The following EDARADD variants were observed in gnomAD, a reference collection of about 807,000 sequenced individuals.
The protein encoded by EDARADD is ectodysplasin-A receptor-associated adapter protein.
A neutral mutation model predicts 25.6 loss-of-function variants in EDARADD; 20 were observed. That is an observed-to-expected ratio of 0.78 (90% CI 0.55 to 1.14). The LOEUF (loss-of-function observed/expected upper bound fraction) is 1.14. Among genes scored for constraint, EDARADD ranks in the 50% most tolerant of loss-of-function variants. The pLI is 0.00. For synonymous variants in EDARADD, 86 were observed against 94.4 expected (o/e 0.91, Z 0.52); for missense variants, 225 against 270.1 (o/e 0.83, Z 1.17).
At chr1:236,480,123 A>AT (rs1285126478) in intron 5 of EDARADD, among the ~76,000 whole-genome samples, 6 of 112,568 alleles carry the variant, frequency 5.3e-5, no homozygotes, top group Non-Finnish European at 1.2e-4. Context: ...ATATATATAT[A>AT]TATATATATA....
chr1:236,480,096 C>CGTAT (rs377187318), intron 5 of EDARADD, among the ~76,000 whole-genome samples: 1 of 77,834 alleles, frequency 1.3e-5, no homozygotes, highest in Non-Finnish European at 2.3e-5. Flanking sequence ...TTAAGTATGC[C>CGTAT]ATATATATAT....
intron 3 of EDARADD, among the ~76,000 whole-genome samples, chr1:236,425,554 C>T (rs1657894121): frequency 1.3e-5 from 2 of 152,176 alleles, no homozygotes; most frequent in South Asian, 4.1e-4. Flanking sequence ...CCCCAAGTGG[C>T]CAGTGATGGT....
At chr1:236,409,342 C>T (rs1054925527) in intron 2 of EDARADD, 68 bp downstream of exon 2, 36 of 1,304,620 alleles carry the variant, frequency 2.8e-5, no homozygotes, top group Admixed American at 1.5e-4. Context: ...TATTTCTTTA[C>T]GTTTTTATTA....
At chr1:236,440,629 C>T (rs980464034) in intron 4 of EDARADD, among the ~76,000 whole-genome samples, 1 of 151,300 alleles carries the variant, frequency 6.6e-6, no homozygotes, top group Non-Finnish European at 1.5e-5. Flanking sequence ...TCAAGCGACT[C>T]TTGCTGCCAT....
At chr1:236,462,333 C>G in intron 4 of EDARADD, among the ~76,000 whole-genome samples, 1 of 151,816 alleles carries the variant, frequency 6.6e-6, no homozygotes. Context: ...AAGATCAGAT[C>G]TTATGAGTAC....
intron 1 of EDARADD, among the ~76,000 whole-genome samples, chr1:236,402,838 A>C (rs1290428913): frequency 6.6e-6 from 1 of 152,178 alleles, no homozygotes; most frequent in Non-Finnish European, 1.5e-5. Flanking sequence ...CAATGTGTGA[A>C]AAAGGGGATG....
Position 236,395,755 on chromosome 1 carries a change from G to A in EDARADD, c.61+1250G>A. On this transcript the variant is annotated intron_variant, in intron 1 of 5. Transcript: ENST00000334232. The surrounding 1 kb of genome is among the most constrained non-coding windows in gnomAD (Gnocchi z 6.9). ...CAGCAGCCGCAGGGCTATCGAGGCC[G>A]GGCCTCGGCGACCCCCGAGGGAGGC... The A allele has an allele frequency of 2.8e-6, 4 of 1,431,018 alleles. No homozygotes were observed. Among genetic ancestry groups the A allele is most frequent in the South Asian group, 2.7e-5 (2 of 75,224 alleles). 88.6% of individuals were successfully genotyped at this position (1,431,018 alleles called of 1,614,324 possible). A position where few individuals can be genotyped will look rare whatever the true frequency, so the allele number is the denominator to read the frequency against.
At chr1:236,380,765 T>C (rs1667287497) in intron 3 of EDARADD, among the ~76,000 whole-genome samples, 1 of 152,208 alleles carries the variant, frequency 6.6e-6, no homozygotes, top group African/African-American at 2.4e-5. Flanking sequence ...CTAGGCTTAA[T>C]GCAGTGGCTA....
chr1:236,473,578 G>A (rs1467696124), intron 5 of EDARADD, among the ~76,000 whole-genome samples: 1 of 152,094 alleles, frequency 6.6e-6, no homozygotes, highest in African/African-American at 2.4e-5. Context: ...AGGAGTTCGA[G>A]ACCAGCCTGG....
intron 4 of EDARADD, among the ~76,000 whole-genome samples, chr1:236,454,978 A>G (rs1369252094): frequency 1.3e-5 from 2 of 152,122 alleles, no homozygotes; most frequent in Non-Finnish European, 1.5e-5. Context: ...TTGGGAGGCC[A>G]AGGCGGGCAG....
In EDARADD at chr1:236,409,250, C is replaced by A. The variant is rs773740123; in HGVS notation, c.96C>A (p.Asp32Glu). 1 of 1,613,182 alleles carries A rather than the reference C, an allele frequency of 6.2e-7. No homozygotes were observed. The highest frequency in any genetic ancestry group is 2.2e-5 in the East Asian group (1 of 44,830). Residue 32 changes from aspartate to glutamate, a missense_variant, in exon 2 of 6, where the codon GAC (aspartate) becomes GAA (glutamate). By Grantham distance (45) the Asp-to-Glu change is conservative. Coordinates refer to ENST00000334232, the MANE Select transcript of EDARADD (RefSeq NM_145861.4). ...TAAAGGAACCAGTGGAAGACACAGA[C>A]CCTAGCACTTTATCCTTTAATATGG... The part of the protein sequence containing the change: ...HMVKEPVEDT[D>E]PSTLSFNMSD...
intron 3 of EDARADD, among the ~76,000 whole-genome samples, chr1:236,353,392 T>A (rs116382026): frequency 2.4e-4 from 37 of 152,158 alleles, no homozygotes; most frequent in African/African-American, 8.7e-4. Context: ...TACATTAAGA[T>A]GTTGGACAGC....
rs114130215 is a variant in EDARADD, at chr1:236,388,923, C to T, written c.-5-20293C>T. On this transcript the variant is annotated intron_variant, in intron 3 of 7. Coordinates refer to the EDARADD transcript ENST00000439430. ...ATTCTGGGAGTAGAAAGATACTGAA[C>T]GCTAGCTATGGTCACTGATAACACT... 1.7e-3 allele frequency among the ~76,000 whole-genome samples: 253 copies of T among 152,300 alleles called. 4 individuals are homozygous for T. The highest frequency in any genetic ancestry group is 0.013 in the South Asian group (61 of 4,828).
At chr1:236,433,533 A>T (rs1031701218) in intron 4 of EDARADD, among the ~76,000 whole-genome samples, 3 of 150,740 alleles carry the variant, frequency 2.0e-5, no homozygotes, top group African/African-American at 4.9e-5. Context: ...CTGGTCTCGA[A>T]CTCCTGACCT....
intron 3 of EDARADD, among the ~76,000 whole-genome samples, chr1:236,354,761 C>T (rs544645427): frequency 1.2e-4 from 18 of 152,282 alleles, no homozygotes; most frequent in African/African-American, 4.3e-4. Context: ...ATTGTAGAGA[C>T]TGCACACACA....
intron 3 of EDARADD, among the ~76,000 whole-genome samples, chr1:236,357,284 A>G (rs562324495): frequency 6.6e-6 from 1 of 152,328 alleles, no homozygotes; most frequent in Admixed American, 6.5e-5. Flanking sequence ...GAGCTGAATC[A>G]GCAGGCTTTT....
chr1:236,431,785 G>T (rs1236777167), intron 4 of EDARADD, among the ~76,000 whole-genome samples: 1 of 104,608 alleles, frequency 9.6e-6, no homozygotes, highest in Non-Finnish European at 2.5e-5. Context: ...GCCGGGCGCG[G>T]TGGCGGGCGC....
chr1:236,373,713 T>C (rs1667195791), intron 3 of EDARADD, among the ~76,000 whole-genome samples: 1 of 152,154 alleles, frequency 6.6e-6, no homozygotes, highest in Non-Finnish European at 1.5e-5. Flanking sequence ...GGATTTAATT[T>C]GTTCTCCTTT....
intron 5 of EDARADD, among the ~76,000 whole-genome samples, chr1:236,469,076 T>A (rs1276962478): frequency 2.0e-5 from 3 of 152,198 alleles, no homozygotes; most frequent in African/African-American, 7.2e-5. Context: ...TTAAAGTTCA[T>A]TTCTCCCCGC....
Sources: allele counts gnomAD v4.1 joint callset (sites outside exome capture counted in the v4.1 genomes callset), GRCh38; gene constraint gnomAD v4.1.1; non-coding constraint Gnocchi (gnomAD v3.1); transcripts MANE v1.5; gene names NCBI Gene and HGNC (gene_info 2026-07-23, HGNC 2026-07-21).